Variants in NRP1 observed in about 807,000 individuals in gnomAD.
NRP1 encodes the protein neuropilin 1.
Under a neutral mutation model 106.7 loss-of-function variants are expected in NRP1, and 35 were observed. The observed-to-expected ratio is 0.33, with a 90% CI of 0.25 to 0.43. NRP1 has a LOEUF of 0.43. Among genes scored for constraint, NRP1 ranks in the 20% least tolerant of loss-of-function variants. The pLI is 1.00. For synonymous variants in NRP1, 437 were observed against 417.9 expected, an observed-to-expected ratio of 1.05 and a Z score of -0.56; for missense variants, 1,024 against 1,170.4, an observed-to-expected ratio of 0.87 and a Z score of 1.83.
intron 10 of NRP1, chr10:33,205,366 C>T (rs1029405825): frequency 6.6e-6 from 1 of 152,222 alleles, no homozygotes; most frequent in Non-Finnish European, 1.5e-5. Flanking sequence ...AGAGATGACA[C>T]TAGAGAGTGG....
intron 10 of NRP1, among the ~76,000 whole-genome samples, chr10:33,203,965 C>T (rs1837558559): frequency 1.2e-5 from 1 of 85,694 alleles, no homozygotes; most frequent in Non-Finnish European, 2.7e-5. Context: ...TGGTCTCGAT[C>T]TCCTGACCTC....
intron 6 of NRP1, among the ~76,000 whole-genome samples, chr10:33,233,834 C>G (rs1390503167): frequency 3.3e-5 from 5 of 152,196 alleles, no homozygotes; most frequent in African/African-American, 9.7e-5. Flanking sequence ...TCACTTGACA[C>G]TACAAGCTAA....
intron 2 of NRP1, among the ~76,000 whole-genome samples, chr10:33,276,442 C>T (rs772328565): frequency 6.6e-6 from 1 of 152,088 alleles, no homozygotes; most frequent in Non-Finnish European, 1.5e-5. Flanking sequence ...GAATTCTTGA[C>T]ATTGCACAGG....
rs2269090 is a variant in NRP1 at position 33,240,592 on chromosome 10, A to G, written c.981+13436T>C. On this transcript the variant is annotated intron_variant, in intron 6 of 16. Coordinates refer to ENST00000374867, the MANE Select transcript of NRP1 (RefSeq NM_003873.7). ...TCAGTCTCTTGGCCTATAAAGTTTG[A>G]CAGCATCTTTTTACACCAATTTTCC... is the stretch of plus-strand genomic sequence containing the variant. Among the ~76,000 whole-genome samples, 63 of 152,276 alleles carry G rather than the reference A, an allele frequency of 4.1e-4. No individual in the cohort carries two copies. The East Asian group carries it at 0.012, about 28-fold the overall frequency.
chr10:33,288,268 A>C (rs1844727534), intron 2 of NRP1: 1 of 152,074 alleles, frequency 6.6e-6, no homozygotes, highest in African/African-American at 2.4e-5. Flanking sequence ...ACCAGTTACT[A>C]TTCTTGGGAT....
intron 8 of NRP1, among the ~76,000 whole-genome samples, chr10:33,218,874 G>A (rs1194518970): frequency 6.6e-6 from 1 of 152,078 alleles, no homozygotes; most frequent in Non-Finnish European, 1.5e-5. Context: ...TCATTCAAAA[G>A]TAACCACCAA....
chr10:33,209,063 T>C (rs1391506173), intron 9 of NRP1, among the ~76,000 whole-genome samples: 2 of 151,338 alleles, frequency 1.3e-5, no homozygotes, highest in African/African-American at 4.9e-5. Flanking sequence ...CACACCAATA[T>C]GTCCGGCTAA....
chr10:33,286,102 C>T lies in NRP1; in HGVS notation c.249-15246G>A, dbSNP rs1588921983. Among the ~76,000 whole-genome samples, 4 of 152,106 alleles carry T rather than the reference C, an allele frequency of 2.6e-5. No individual in the cohort carries two copies. The South Asian group carries it at 8.3e-4, about 32-fold the overall frequency. On this transcript the variant is annotated intron_variant, in intron 2 of 16. Transcript: ENST00000374867. ...AGTTATCTGCACCGTGATTTCACTT[C>T]CCTATGATGAGTTTCTAATTTTATG...
intron 2 of NRP1, among the ~76,000 whole-genome samples, chr10:33,330,413 G>C (rs988760973): frequency 6.7e-5 from 10 of 150,120 alleles, no homozygotes; most frequent in Admixed American, 6.6e-4. Flanking sequence ...AAAAAAGAAA[G>C]AAAAAAGAAA....
intron 2 of NRP1, among the ~76,000 whole-genome samples, chr10:33,290,981 C>T (rs1844952997): frequency 1.3e-5 from 2 of 152,058 alleles, no homozygotes; most frequent in South Asian, 4.1e-4. Context: ...GTGTTCTTTG[C>T]CACTGTAGGG....
chr10:33,307,273 C>T (rs772675662), intron 2 of NRP1, among the ~76,000 whole-genome samples: 6 of 152,144 alleles, frequency 3.9e-5, no homozygotes, highest in South Asian at 2.1e-4. Context: ...GTAGATCAAA[C>T]CTATCTGACT....
chr10:33,253,339 G>A (rs944075725), intron 6 of NRP1, among the ~76,000 whole-genome samples: 9 of 152,160 alleles, frequency 5.9e-5, no homozygotes, highest in Admixed American at 4.6e-4. Flanking sequence ...TGGGGCAGAC[G>A]AGGTGTCTGT....
rs1393887598 is a variant in NRP1, at chr10:33,197,710, C to A, written c.1865-1G>T. 6 of 1,583,072 alleles carry A rather than the reference C, an allele frequency of 3.8e-6. No homozygotes were observed. The highest frequency in any genetic ancestry group is 5.2e-6 in the Non-Finnish European group (6 of 1,161,058). On this transcript the variant is annotated splice_acceptor_variant, in intron 11 of 16. Coordinates refer to ENST00000374867, the MANE Select transcript of NRP1 (RefSeq NM_003873.7). LOFTEE classifies it high-confidence loss of function. ...TCTGTGGCCAGCACAGTGGTGCCAC[C>A]TGAAAAACAAAAACAGGAACATGCA...
rs774692891 is a variant in NRP1, at chr10:33,226,242, G to A, written c.1029C>T (p.Gly343=). 49 of 1,613,930 alleles carry A rather than the reference G, an allele frequency of 3.0e-5. No homozygotes were observed. Among genetic ancestry groups the A allele is most frequent in the African/African-American group, 5.3e-5 (4 of 74,880 alleles). Residue 343 remains glycine (G), a synonymous_variant, in exon 7 of 17, where the codon GGC becomes GGT. Transcript: ENST00000374867. ...TCTTCTTGGTTTCTTTTGAAATGGC[G>A]CCCTGTGTCCCGACAGCCGTGACAA... ...LRFVTAVGTQ[G]AISKETKKKY... is the part of the protein sequence containing the mutation.
chr10:33,222,717 C>G (rs1384880944), intron 7 of NRP1, among the ~76,000 whole-genome samples: 1 of 152,124 alleles, frequency 6.6e-6, no homozygotes, highest in Non-Finnish European at 1.5e-5. Flanking sequence ...GATGGGGTTT[C>G]ACCATGTTGG....
At position 33,213,536 on chromosome 10, in the gene NRP1, G is replaced by A. The variant is rs1419427218; in HGVS notation, c.1464C>T (p.Asp488=). Residue 488 remains aspartate, a synonymous_variant, in exon 9 of 17, where the codon GAC becomes GAT. Transcript: ENST00000374867. The stretch of plus-strand genomic sequence containing the variant: ...CCCTCACGATCTTCTCCTCCCCCAG[G>A]TCTATTTGGAGCCACTCATTGATGT... ...HSYINEWLQI[D]LGEEKIVRGI... is the part of the protein sequence containing the mutation. 2.5e-6 allele frequency: 4 copies of A among 1,613,968 alleles called. No homozygotes were observed. Among genetic ancestry groups the A allele is most frequent in the Non-Finnish European group, 3.4e-6 (4 of 1,180,006 alleles).
chr10:33,227,757 C>G (rs1260113055), intron 6 of NRP1, among the ~76,000 whole-genome samples: 1 of 152,034 alleles, frequency 6.6e-6, no homozygotes, highest in Non-Finnish European at 1.5e-5. Flanking sequence ...TGTTTTCATC[C>G]CAGGGCCCTG....
intron 12 of NRP1, chr10:33,194,855 G>A: frequency 2.2e-6 from 1 of 457,992 alleles, no homozygotes; most frequent in African/African-American, 2.0e-5. Flanking sequence ...ACAGAGGAAA[G>A]GAGAAAGGGA....
intron 4 of NRP1, among the ~76,000 whole-genome samples, chr10:33,256,701 G>C (rs1253490742): frequency 6.6e-6 from 1 of 152,224 alleles, no homozygotes; most frequent in African/African-American, 2.4e-5. Flanking sequence ...ATTCCCCAGT[G>C]AGCAGAATTG....
Sources: allele counts gnomAD v4.1 joint callset (sites outside exome capture counted in the v4.1 genomes callset), GRCh38; gene constraint gnomAD v4.1.1; transcripts MANE v1.5; gene names NCBI Gene and HGNC (gene_info 2026-07-23, HGNC 2026-07-21).